Variants in SLC15A4 observed in about 807,000 individuals in gnomAD.
SLC15A4 encodes solute carrier family 15 member 4.
In SLC15A4, 26 loss-of-function variants were observed where a neutral mutation model predicts 46.1. The ratio of observed to expected loss-of-function variants is 0.56; its 90% CI spans 0.41 to 0.78. The LOEUF (loss-of-function observed/expected upper bound fraction) is 0.78. Ranked by LOEUF, SLC15A4 falls within the 30% of genes least tolerant of loss-of-function variation. The pLI is 0.00. For missense variants in SLC15A4, 751 were observed against 755.7 expected (o/e 0.99, Z 0.07); for synonymous variants, 370 against 333.4 (o/e 1.11, Z -1.20).
Position 128,814,939 on chromosome 12 carries a change from A to G in SLC15A4, c.678T>C (p.Tyr226=), listed in dbSNP as rs1955729297. The G allele has an allele frequency of 4.3e-6, 7 of 1,614,222 alleles. No individual in the cohort carries two copies. Among genetic ancestry groups the G allele is most frequent in the Non-Finnish European group, 5.9e-6 (7 of 1,180,040 alleles). The change falls in exon 2 of 8, where the codon TAT becomes TAC. Residue 226 remains tyrosine (Y), a synonymous_variant. Transcript: ENST00000266771. The stretch of plus-strand genomic sequence containing the variant: ...GGCCGACGCAGACAGTGGGGATCGC[A>G]TAACCAGTGACAAAGCTGACGTTCT... ...IQQNVSFVTG[Y]AIPTVCVGLA...
chr12:128,804,969 G>A (rs531196978), intron 5 of SLC15A4, among the ~76,000 whole-genome samples: 131 of 152,304 alleles, frequency 8.6e-4, no homozygotes, highest in African/African-American at 3.1e-3. Context: ...AGACGCACAC[G>A]TGCTCAATGA....
At chr12:128,812,517 C>T (rs970747305) in intron 2 of SLC15A4, among the ~76,000 whole-genome samples, 7 of 152,128 alleles carry the variant, frequency 4.6e-5, no homozygotes, top group Non-Finnish European at 8.8e-5. Flanking sequence ...CGGGGTTTCA[C>T]GTATTCGCCA....
chr12:128,814,562 C>T (rs964243962), intron 2 of SLC15A4: 4 of 556,360 alleles, frequency 7.2e-6, no homozygotes, highest in Non-Finnish European at 1.3e-5. Flanking sequence ...AAAGCATGAG[C>T]TCTGGAATCA....
chr12:128,820,014 G>C (rs1274865023), intron 1 of SLC15A4: 1 of 152,392 alleles, frequency 6.6e-6, no homozygotes, highest in African/African-American at 2.4e-5. Context: ...ACACACACCA[G>C]CAACTGTGGC....
At chr12:128,796,182 T>C (rs775198761) in intron 7 of SLC15A4, among the ~76,000 whole-genome samples, 1 of 152,106 alleles carries the variant, frequency 6.6e-6, no homozygotes, top group South Asian at 2.1e-4. Context: ...CCCAGCACTT[T>C]GGGAGGCCAA....
chr12:128,809,425 T>C lies in SLC15A4; in HGVS notation c.1060A>G (p.Ile354Val). The C allele has an allele frequency of 1.2e-6, 2 of 1,609,300 alleles. No homozygotes were observed. Among genetic ancestry groups the C allele is most frequent in the South Asian group, 2.2e-5 (2 of 90,366 alleles). ...TGAGGAGTGGTTGTAATATTTGAAATTTCTGGAATCCTCAAATGAAGACTC... is the reference window on the plus strand; with the variant it reads ...TGAGGAGTGGTTGTAATATTTGAAACTTCTGGAATCCTCAAATGAAGACTC... ...LQSLHLRIPE[I>V]SNITTTPHTL... Residue 354 changes from isoleucine to valine, a missense_variant, in exon 4 of 8, where the codon ATT (isoleucine) becomes GTT (valine). By Grantham distance (29) the Ile-to-Val change is conservative. Coordinates refer to ENST00000266771, the MANE Select transcript of SLC15A4 (RefSeq NM_145648.4).
At chr12:128,822,883 CTG>C (rs1410732058) in intron 1 of SLC15A4, among the ~76,000 whole-genome samples, 4 of 151,858 alleles carry the variant, frequency 2.6e-5, no homozygotes, top group Non-Finnish European at 5.9e-5. Context: ...GGGTCTCACT[CTG>C]TTACCCAAGC....
At chr12:128,811,469 G>A (rs1955654871) in intron 2 of SLC15A4, among the ~76,000 whole-genome samples, 1 of 152,196 alleles carries the variant, frequency 6.6e-6, no homozygotes, top group African/African-American at 2.4e-5. Flanking sequence ...AATACTGATC[G>A]AGTACCTGCT....
At chr12:128,802,874 C>T (rs1295967060) in intron 5 of SLC15A4, among the ~76,000 whole-genome samples, 1 of 152,162 alleles carries the variant, frequency 6.6e-6, no homozygotes, top group African/African-American at 2.4e-5. Flanking sequence ...AGATGAGCAG[C>T]GGCAAAGGCG....
rs1566051200 is a variant in SLC15A4, at chr12:128,808,833, T to C, written c.1213A>G (p.Ile405Val). 1 of 1,614,224 alleles carries C rather than the reference T, an allele frequency of 6.2e-7. No homozygotes were observed. Among genetic ancestry groups the C allele is most frequent in the East Asian group, 2.2e-5 (1 of 44,884 alleles). Residue 405 changes from isoleucine to valine, a missense_variant, in exon 5 of 8, where the codon ATC becomes GTC. Physicochemically the swap from Ile to Val is conservative, Grantham distance 29 (BLOSUM62 3). Transcript: ENST00000266771. Reference protein sequence around the residue: ...HGLLPSSLKRIAVGMFFVMCS... With the variant: ...HGLLPSSLKRVAVGMFFVMCS... The stretch of plus-strand genomic sequence containing the variant: ...ATGACAAAGAACATGCCCACGGCGA[T>C]CCTCTTCAGGGAGGATGGGAGCAGG...
intron 5 of SLC15A4, among the ~76,000 whole-genome samples, chr12:128,805,084 T>C: frequency 6.6e-6 from 1 of 152,054 alleles, no homozygotes; most frequent in Non-Finnish European, 1.5e-5. Context: ...GCTAATACAA[T>C]AATATAAATA....
At chr12:128,820,456 T>C (rs1955817330) in intron 1 of SLC15A4, among the ~76,000 whole-genome samples, 1 of 152,224 alleles carries the variant, frequency 6.6e-6, no homozygotes, top group South Asian at 2.1e-4. Flanking sequence ...CATTAGAAAC[T>C]ATCATTTCTA....
chr12:128,807,643 G>A (rs186639160), intron 5 of SLC15A4, among the ~76,000 whole-genome samples: 24 of 152,326 alleles, frequency 1.6e-4, no homozygotes, highest in Non-Finnish European at 3.4e-4. Flanking sequence ...GGCGCACTCT[G>A]CTGAACCGCA....
At chr12:128,801,912 C>T (rs969047579) in intron 5 of SLC15A4, among the ~76,000 whole-genome samples, 3 of 152,170 alleles carry the variant, frequency 2.0e-5, no homozygotes, top group Non-Finnish European at 4.4e-5. Flanking sequence ...CTTCTAAAAC[C>T]TGAGCATGAG....
Position 128,823,583 on chromosome 12 carries a change from G to A in SLC15A4, c.361C>T (p.Pro121Ser). The A allele has an allele frequency of 1.4e-6, 2 of 1,448,756 alleles. No homozygotes were observed. The highest frequency in any genetic ancestry group is 2.7e-5 in the South Asian group (2 of 73,462). 89.7% of individuals were successfully genotyped at this position (1,448,756 alleles called of 1,614,324 possible). A position where few individuals can be genotyped will look rare whatever the true frequency, so the allele number is the denominator to read the frequency against. The change falls in exon 1 of 8, where the codon CCG becomes TCG. Residue 121 changes from proline (P) to serine (S), a missense_variant. Transcript: ENST00000266771. ...CGCGTGGCGGGCGCGGCCAGCAGCG[G>A]GAAGGCCAGCATGCCCAGCAGGTAG... Reference protein sequence around the residue: ...ALYLLGMLAFPLLAAPATRAA... With the variant: ...ALYLLGMLAFSLLAAPATRAA...
rs1955618556 is a variant in SLC15A4, at chr12:128,808,820, A to G, written c.1226T>C (p.Met409Thr). ...AAAGGCCGAGCACATGACAAAGAACATGCCCACGGCGATCCTCTTCAGGGA... is the reference window on the plus strand; with the variant it reads ...AAAGGCCGAGCACATGACAAAGAACGTGCCCACGGCGATCCTCTTCAGGGA... ...PSSLKRIAVG[M>T]FFVMCSAFAA... is the part of the protein sequence containing the mutation. Residue 409 changes from methionine to threonine, a missense_variant, in exon 5 of 8, where the codon ATG becomes ACG. Met to Thr is a moderately conservative substitution (Grantham distance 81). Coordinates refer to ENST00000266771, the MANE Select transcript of SLC15A4 (RefSeq NM_145648.4). 1.2e-6 allele frequency: 2 copies of G among 1,614,194 alleles called. No homozygotes were observed. Among genetic ancestry groups the G allele is most frequent in the Non-Finnish European group, 1.7e-6 (2 of 1,180,032 alleles).
intron 5 of SLC15A4, among the ~76,000 whole-genome samples, chr12:128,806,087 G>A (rs1321954645): frequency 2.1e-5 from 3 of 143,432 alleles, no homozygotes; most frequent in East Asian, 2.2e-4. Flanking sequence ...GGAGAATGGC[G>A]TGAACCCGGT....
At chr12:128,816,563 G>A (rs1461296711) in intron 1 of SLC15A4, among the ~76,000 whole-genome samples, 1 of 152,186 alleles carries the variant, frequency 6.6e-6, no homozygotes, top group Non-Finnish European at 1.5e-5. Flanking sequence ...GGGCATGGTG[G>A]CTCAGGTCTG....
chr12:128,807,151 T>C (rs1359105345), intron 5 of SLC15A4, among the ~76,000 whole-genome samples: 3 of 152,132 alleles, frequency 2.0e-5, no homozygotes, highest in South Asian at 2.1e-4. Flanking sequence ...TCCACCTGCC[T>C]TGGCCTCCCA....
Sources: allele counts gnomAD v4.1 joint callset (sites outside exome capture counted in the v4.1 genomes callset), GRCh38; gene constraint gnomAD v4.1.1; transcripts MANE v1.5; gene names NCBI Gene and HGNC (gene_info 2026-07-23, HGNC 2026-07-21).